The following PIK3R3 variants were observed in gnomAD, a reference collection of about 807,000 sequenced individuals.
The protein encoded by PIK3R3 is phosphatidylinositol 3-kinase regulatory subunit gamma.
PIK3R3 carries 64 observed loss-of-function variants against 62.9 expected under a neutral mutation model. That is an observed-to-expected ratio of 1.02 (90% CI 0.83 to 1.25). PIK3R3 has a LOEUF of 1.25. Ranked by LOEUF, PIK3R3 falls within the 50% of genes most tolerant of loss-of-function variation. PIK3R3 has a pLI of 0.00. For missense variants in PIK3R3, 614 were observed against 561.6 expected (o/e 1.09, Z -0.94); for synonymous variants, 165 against 189.0 (o/e 0.87, Z 1.04).
the PIK3R3 span, among the ~76,000 whole-genome samples, chr1:46,160,425 T>G: frequency 6.6e-6 from 1 of 152,386 alleles, no homozygotes; most frequent in Admixed American, 6.5e-5. Flanking sequence ...ACCACAGGAC[T>G]TTTTCAGTTG....
chr1:46,105,572 T>G (rs1415374008), intron 1 of PIK3R3, among the ~76,000 whole-genome samples: 1 of 151,938 alleles, frequency 6.6e-6, no homozygotes, highest in East Asian at 1.9e-4. Flanking sequence ...TCCTAGCACT[T>G]TGGAAGGCTG....
intron 1 of PIK3R3, among the ~76,000 whole-genome samples, chr1:46,115,044 T>TA (rs1169266917): frequency 6.6e-6 from 1 of 152,134 alleles, no homozygotes; most frequent in Non-Finnish European, 1.5e-5. Flanking sequence ...ATGGTTCAAT[T>TA]AGTGTCAAGC....
At chr1:46,132,764 G>T, upstream of PIK3R3, 1 of 1,279,344 alleles carries the variant, frequency 7.8e-7, no homozygotes, top group Non-Finnish European at 1.0e-6. Context: ...CCCCTTCCAC[G>T]CCGTCCCGCC....
the PIK3R3 span, among the ~76,000 whole-genome samples, chr1:46,160,437 A>G: frequency 6.6e-6 from 1 of 152,268 alleles, no homozygotes; most frequent in Non-Finnish European, 1.5e-5. Context: ...TTTCAGTTGC[A>G]TATAATAGAA....
chr1:46,158,275 A>G, the PIK3R3 span, among the ~76,000 whole-genome samples: 1 of 152,226 alleles, frequency 6.6e-6, no homozygotes, highest in South Asian at 2.1e-4. Context: ...CCCTAACTTA[A>G]TTAACTCACT....
chr1:46,161,660 A>C, the PIK3R3 span, among the ~76,000 whole-genome samples: 3 of 151,604 alleles, frequency 2.0e-5, no homozygotes, highest in African/African-American at 4.9e-5. Flanking sequence ...ACTGGAGCCC[A>C]GGAGTTTGAG....
chr1:46,100,250 C>A (rs1652529740), intron 1 of PIK3R3, among the ~76,000 whole-genome samples: 1 of 152,172 alleles, frequency 6.6e-6, no homozygotes, highest in Non-Finnish European at 1.5e-5. Context: ...AAAACATTCT[C>A]CCACTTTTTT....
At position 46,043,011 on chromosome 1, in the gene PIK3R3, GTT is replaced by G. The variant is rs1647023080; in HGVS notation, c.*660_*661del. 1 of 222,532 alleles carries G rather than the reference GTT, an allele frequency of 4.5e-6. No individual in the cohort carries two copies. Among genetic ancestry groups the G allele is most frequent in the Non-Finnish European group, 9.0e-6 (1 of 111,072 alleles). 13.8% of individuals were successfully genotyped at this position (222,532 alleles called of 1,614,324 possible). On this transcript the variant is annotated 3_prime_UTR_variant, in exon 10 of 10. Transcript: ENST00000262741. The stretch of plus-strand genomic sequence containing the variant: ...TCAAACATTGGTCTGGCAACAAACT[GTT>G]TTGTTGGCTTCTGAACATAATACTT...
chr1:46,113,684 T>C (rs1264801738), intron 1 of PIK3R3, among the ~76,000 whole-genome samples: 1 of 152,228 alleles, frequency 6.6e-6, no homozygotes, highest in East Asian at 1.9e-4. Flanking sequence ...ACTCCACCAG[T>C]AAACCAATCA....
In PIK3R3 at chr1:46,062,089, A is replaced by G; in HGVS notation, c.622-18T>C. The G allele has an allele frequency of 6.4e-7, 1 of 1,574,070 alleles. No individual in the cohort carries two copies. The highest frequency in any genetic ancestry group is 8.6e-7 in the Non-Finnish European group (1 of 1,168,132). ...TGTATTTCCTACAGGAGAGAAAAAG[A>G]AAAAACACAGGCTTCATTATCTTTA... On this transcript the variant is annotated intron_variant, in intron 5 of 9. Transcript: ENST00000262741.
the PIK3R3 span, among the ~76,000 whole-genome samples, chr1:46,163,191 GT>G: frequency 6.6e-6 from 1 of 152,160 alleles, no homozygotes; most frequent in Admixed American, 6.5e-5. Context: ...TCCACAGAAA[GT>G]TTTTCTCATA....
At chr1:46,052,816 A>G (rs921503877) in intron 7 of PIK3R3, among the ~76,000 whole-genome samples, 1 of 152,188 alleles carries the variant, frequency 6.6e-6, no homozygotes, top group Admixed American at 6.5e-5. Context: ...ACAATCACAT[A>G]GAATCCTTGT....
upstream of PIK3R3, among the ~76,000 whole-genome samples, chr1:46,134,821 A>G (rs1473965472): frequency 6.6e-6 from 1 of 152,216 alleles, no homozygotes; most frequent in African/African-American, 2.4e-5. Context: ...TCTAATACAC[A>G]GAGCAATCAC....
intron 1 of PIK3R3, among the ~76,000 whole-genome samples, chr1:46,083,472 G>C (rs1331998120): frequency 1.3e-5 from 2 of 152,212 alleles, no homozygotes; most frequent in East Asian, 3.9e-4. Flanking sequence ...TAGCATGGGA[G>C]AACGTTTTTG....
At chr1:46,152,979 ATG>A in the PIK3R3 span, among the ~76,000 whole-genome samples, 2 of 151,998 alleles carry the variant, frequency 1.3e-5, no homozygotes, top group Non-Finnish European at 2.9e-5. Context: ...TTTCAATTTT[ATG>A]TGTGTTTATT....
intron 1 of PIK3R3, among the ~76,000 whole-genome samples, chr1:46,103,054 T>C (rs955073155): frequency 1.3e-5 from 2 of 152,036 alleles, no homozygotes; most frequent in Non-Finnish European, 2.9e-5. Flanking sequence ...TTATACTGAG[T>C]GAAATAAGCC....
rs1056115994 is a variant in PIK3R3 at position 46,132,263 on chromosome 1, C to G, written c.-311G>C. On this transcript the variant is annotated 5_prime_UTR_variant, in exon 1 of 10. Coordinates refer to ENST00000262741, the MANE Select transcript of PIK3R3 (RefSeq NM_003629.4). ...CCCAAAAATCCTTTCTACACAGTCG[C>G]TCTCCGGGGAGAAAAGCTCCCACCG... 1 of 1,135,886 alleles carries G rather than the reference C, an allele frequency of 8.8e-7. No individual in the cohort carries two copies. The highest frequency in any genetic ancestry group is 2.2e-5 in the South Asian group (1 of 44,706). 70.4% of individuals were successfully genotyped at this position (1,135,886 alleles called of 1,614,324 possible).
chr1:46,104,925 C>CAAAAAAAAAAAAAAAAAA, intron 1 of PIK3R3: 1 of 192,016 alleles, frequency 5.2e-6, no homozygotes, highest in Non-Finnish European at 9.6e-6. Context: ...AAGACTCCAT[C>CAAAAAAAAAAAAAAAAAA]AAAAAAAAAA....
rs1052929896 is a variant in PIK3R3, at chr1:46,117,947, G to A, written c.106+13900C>T. On this transcript the variant is annotated intron_variant, in intron 1 of 9. Transcript: ENST00000262741. ...TAATTAGCCAGGTGTGGTAGTGCAC[G>A]CCTGTAGTTGGTCCTAGCTACTCAG... Among the ~76,000 whole-genome samples, 54 of 151,754 alleles carry A rather than the reference G, an allele frequency of 3.6e-4. 1 individual carries two copies. Among genetic ancestry groups the A allele is most frequent in the African/African-American group, 1.2e-3 (49 of 41,342 alleles).
Sources: gnomAD v4.1 joint callset for allele counts (sites outside exome capture counted in the v4.1 genomes callset) on GRCh38, gnomAD v4.1.1 for gene constraint, MANE v1.5 for transcripts, NCBI Gene and HGNC (gene_info 2026-07-23, HGNC 2026-07-21) for gene names.